The following ATL3 variants were observed in gnomAD, a reference collection of about 807,000 sequenced individuals.
ATL3 encodes the protein atlastin-3.
A neutral mutation model predicts 69.5 loss-of-function variants in ATL3; 49 were observed. The observed-to-expected ratio is 0.71, with a 90% confidence interval of 0.56 to 0.89. The LOEUF (loss-of-function observed/expected upper bound fraction) is 0.89, where lower values mean the gene tolerates loss of function less well. Ranked by LOEUF, ATL3 falls within the 40% of genes least tolerant of loss-of-function variation. The probability of loss-of-function intolerance (pLI) is 0.00; values close to 1 mark genes in which losing one functional copy is unlikely to be tolerated. For missense variants in ATL3, 606 were observed against 645.7 expected (o/e 0.94, Z 0.67); for synonymous variants, 214 against 224.1 (o/e 0.95, Z 0.40).
Position 63,657,286 on chromosome 11 carries a change from G to GA in ATL3, c.405+1474dup, listed in dbSNP as rs1290081020. ...TGGGCTAAAAACAGAAGTAATGGATGAAAGTCTGTATAAGAAACACATGAC... is the reference window on the plus strand; with the variant it reads ...TGGGCTAAAAACAGAAGTAATGGATGAAAAGTCTGTATAAGAAACACATGAC... On this transcript the variant is annotated intron_variant, in intron 3 of 12. Coordinates refer to ENST00000398868, the MANE Select transcript of ATL3 (RefSeq NM_015459.5). Among the ~76,000 whole-genome samples the GA allele has an allele frequency of 2.0e-5, 3 of 150,914 alleles. No homozygotes were observed. In the East Asian group the frequency reaches 5.8e-4, roughly 29 times the overall value.
intron 1 of ATL3, among the ~76,000 whole-genome samples, chr11:63,663,004 T>G (rs190125868): frequency 1.3e-5 from 2 of 152,316 alleles, no homozygotes; most frequent in Admixed American, 6.5e-5. Context: ...TACACGATCA[T>G]GGCAGGCAAA....
chr11:63,633,692 C>A (rs1436161380), intron 10 of ATL3, among the ~76,000 whole-genome samples: 1 of 145,468 alleles, frequency 6.9e-6, no homozygotes, highest in Non-Finnish European at 1.5e-5. Context: ...CTCCATTGCT[C>A]CAACTTTAAG....
At chr11:63,635,102 C>T (rs903006128) in intron 10 of ATL3, among the ~76,000 whole-genome samples, 12 of 151,944 alleles carry the variant, frequency 7.9e-5, no homozygotes, top group South Asian at 2.1e-4. Context: ...GTGGAGGTTG[C>T]GGTGAGCCAA....
chr11:63,627,792 A>AT lies in ATL3; in HGVS notation c.*1526dup, dbSNP rs1166954285. The AT allele has an allele frequency of 1.3e-5, 2 of 152,222 alleles. No homozygotes were observed. Among genetic ancestry groups the AT allele is most frequent in the South Asian group, 2.1e-4 (1 of 4,832 alleles). 9.4% of individuals were successfully genotyped at this position (152,222 alleles called of 1,614,324 possible). A position where few individuals can be genotyped will look rare whatever the true frequency, so the allele number is the denominator to read the frequency against. ...AAAGAACTCTTAGATACTTCTAGATATTTTTTATATTTGGGTAGGACTTTG... is the reference window on the plus strand; with the variant it reads ...AAAGAACTCTTAGATACTTCTAGATATTTTTTTATATTTGGGTAGGACTTTG... On this transcript the variant is annotated 3_prime_UTR_variant, in exon 13 of 13. Coordinates refer to ENST00000398868, the MANE Select transcript of ATL3 (RefSeq NM_015459.5).
intron 6 of ATL3, among the ~76,000 whole-genome samples, chr11:63,644,761 G>A (rs183224202): frequency 6.6e-6 from 1 of 152,154 alleles, no homozygotes; most frequent in East Asian, 1.9e-4. Context: ...CCAAATATGA[G>A]GTCAATATAT....
At position 63,652,522 on chromosome 11, in the gene ATL3, C is replaced by A; in HGVS notation, c.459G>T (p.Val153=). 1 of 1,612,198 alleles carries A rather than the reference C, an allele frequency of 6.2e-7. No individual in the cohort carries two copies. Among genetic ancestry groups the A allele is most frequent in the South Asian group, 1.1e-5 (1 of 90,806 alleles). ...GAGCAAAGATGGTAGCACAGTCTTT[C>A]ACAGTTGACTGGCTGTCAAATGCCC... ...TQGAFDSQST[V]KDCATIFALS... Residue 153 remains valine (V), a synonymous_variant, in exon 4 of 13, where the codon GTG becomes GTT. Coordinates refer to ENST00000398868, the MANE Select transcript of ATL3 (RefSeq NM_015459.5).
chr11:63,632,373 C>A, intron 11 of ATL3: 1 of 897,036 alleles, frequency 1.1e-6, no homozygotes, highest in Non-Finnish European at 1.9e-6. Context: ...CAGATACTGT[C>A]TTTGCACAAA....
rs1156816750 is a variant in ATL3, at chr11:63,643,349, G to T, written c.850+8C>A. ...AATCACAGGTTTAAAATAACACCTG[G>T]AACACACCTTTTAATTTCCCATCAA... On this transcript the variant is annotated splice_region_variant and intron_variant, in intron 8 of 12. Coordinates refer to ENST00000398868, the MANE Select transcript of ATL3 (RefSeq NM_015459.5). 8 of 1,601,174 alleles carry T rather than the reference G, an allele frequency of 5.0e-6. No individual in the cohort carries two copies. Among genetic ancestry groups the T allele is most frequent in the Non-Finnish European group, 6.8e-6 (8 of 1,174,616 alleles).
At chr11:63,647,384 G>A (rs1478301615) in intron 5 of ATL3, among the ~76,000 whole-genome samples, 1 of 152,050 alleles carries the variant, frequency 6.6e-6, no homozygotes, top group Non-Finnish European at 1.5e-5. Context: ...GTAGAGACGG[G>A]GTTTCTCCAT....
chr11:63,629,325 A>G lies in ATL3; in HGVS notation c.1620T>C (p.Ala540=). 6.2e-7 allele frequency: 1 copy of G among 1,613,700 alleles called. No homozygotes were observed. The highest frequency in any genetic ancestry group is 8.5e-7 in the Non-Finnish European group (1 of 1,179,632). Residue 540 remains alanine (A), a synonymous_variant, in exon 13 of 13, where the codon GCT becomes GCC. Coordinates refer to ENST00000398868, the MANE Select transcript of ATL3 (RefSeq NM_015459.5). The stretch of plus-strand genomic sequence containing the variant: ...TGATCTTCACGTTAAGATGCTATTG[A>G]GCTTTTTTATCCATGGATGGTCTTC... ...VVGRPSMDKK[A]Q
intron 1 of ATL3, among the ~76,000 whole-genome samples, chr11:63,671,026 C>G (rs1175157572): frequency 6.6e-6 from 1 of 152,134 alleles, no homozygotes; most frequent in East Asian, 1.9e-4. Context: ...TGGAGGAGCC[C>G]CCGGCGGCAC....
chr11:63,632,678 A>AT, intron 11 of ATL3: 2 of 1,244,098 alleles, frequency 1.6e-6, no homozygotes, highest in Non-Finnish European at 2.4e-6. Context: ...GTGATTTTGG[A>AT]TTTTTATGTG....
Position 63,625,173 on chromosome 11 carries a change from A to G in ATL3, c.*4146T>C, listed in dbSNP as rs887283622. The G allele has an allele frequency of 1.3e-5, 2 of 152,076 alleles. No individual in the cohort carries two copies. The highest frequency in any genetic ancestry group is 2.9e-5 in the Non-Finnish European group (2 of 68,044). The allele number at this position is 152,076 out of a possible 1,614,324, so 9.4% of individuals were successfully genotyped here. A position where few individuals can be genotyped will look rare whatever the true frequency, so the allele number is the denominator to read the frequency against. ...ATTTTACAATGGGCTTCTTAATGTC[A>G]TTTTTAAAAATTAATCACACAAATA... On this transcript the variant is annotated 3_prime_UTR_variant, in exon 13 of 13. Coordinates refer to ENST00000398868, the MANE Select transcript of ATL3 (RefSeq NM_015459.5).
At chr11:63,659,668 T>G (rs1380119145) in intron 1 of ATL3, among the ~76,000 whole-genome samples, 3 of 151,848 alleles carry the variant, frequency 2.0e-5, no homozygotes, top group African/African-American at 4.8e-5. Context: ...GGCACAGTGG[T>G]TCGCCCCTGT....
chr11:63,656,312 A>G (rs1412685740), intron 3 of ATL3, among the ~76,000 whole-genome samples: 2 of 152,138 alleles, frequency 1.3e-5, no homozygotes, highest in Non-Finnish European at 2.9e-5. Context: ...ATACCCTATA[A>G]ATATATATAC....
chr11:63,632,348 C>T, intron 11 of ATL3: 1 of 872,346 alleles, frequency 1.1e-6, no homozygotes, highest in Non-Finnish European at 2.0e-6. Context: ...TCAATGGAGC[C>T]TACAATTCAA....
rs573933731 is a variant in ATL3 at position 63,644,229 on chromosome 11, G to A, written c.651C>T (p.Phe217=). The part of the protein sequence containing the change: ...TLMFLVRDWS[F]PYEYSYGLQG... ...GGAGTCCATAGCTATATTCATAAGG[G>A]AAACTCCAATCTCTAACCAAAAACA... is the stretch of plus-strand genomic sequence containing the variant. Residue 217 remains phenylalanine (F), a synonymous_variant, in exon 7 of 13, where the codon TTC becomes TTT. Coordinates refer to ENST00000398868, the MANE Select transcript of ATL3 (RefSeq NM_015459.5). The A allele has an allele frequency of 1.4e-4, 224 of 1,610,900 alleles. 2 individuals are homozygous for A. In the South Asian group the frequency reaches 2.4e-3, roughly 17 times the overall value.
chr11:63,671,119 A>AG (rs930801815), intron 1 of ATL3, among the ~76,000 whole-genome samples, 171 bp downstream of exon 1: 4 of 152,128 alleles, frequency 2.6e-5, no homozygotes, highest in African/African-American at 4.8e-5. Flanking sequence ...GGGCCCGAAG[A>AG]GGGGCCCCCC....
At chr11:63,664,087 T>G (rs1940502516) in intron 1 of ATL3, among the ~76,000 whole-genome samples, 1 of 152,194 alleles carries the variant, frequency 6.6e-6, no homozygotes, top group Admixed American at 6.5e-5. Context: ...TTCACTTCTG[T>G]GTGAAAGAAA....
Sources: gnomAD v4.1 joint callset for allele counts (sites outside exome capture counted in the v4.1 genomes callset) on GRCh38, gnomAD v4.1.1 for gene constraint, MANE v1.5 for transcripts, NCBI Gene and HGNC (gene_info 2026-07-23, HGNC 2026-07-21) for gene names.